The following MACF1 variants were observed in gnomAD, a reference collection of about 807,000 sequenced individuals.
MACF1 encodes the protein microtubule-actin cross-linking factor 1.
In MACF1, 193 loss-of-function variants were observed where a neutral mutation model predicts 854.8. That is an observed-to-expected ratio of 0.23 (90% CI 0.20 to 0.25). MACF1 has a LOEUF of 0.25. Among genes scored for constraint, MACF1 ranks in the 10% least tolerant of loss-of-function variants. The pLI is 1.00. For synonymous variants in MACF1, 3,185 were observed against 3,226.7 expected, an observed-to-expected ratio of 0.99 and a Z score of 0.44; for missense variants, 7,722 against 8,929.1, an observed-to-expected ratio of 0.86 and a Z score of 5.45.
chr1:39,448,011 C>T (rs1644262958), intron 82 of MACF1, 22 bp from the exon 83 acceptor site: 1 of 1,613,618 alleles, frequency 6.2e-7, no homozygotes, highest in Non-Finnish European at 8.5e-7. Flanking sequence ...TTCCTGTTAA[C>T]TTATTTCTTA....
intron 2 of MACF1, among the ~76,000 whole-genome samples, chr1:39,164,275 T>C (rs1643862886): frequency 6.6e-6 from 1 of 152,224 alleles, no homozygotes; most frequent in Admixed American, 6.5e-5. Context: ...TTAATACATA[T>C]ATTCAAAGCT....
At chr1:39,248,517 T>C (rs2148331212) in intron 2 of MACF1, among the ~76,000 whole-genome samples, 1 of 152,122 alleles carries the variant, frequency 6.6e-6, no homozygotes, top group African/African-American at 2.4e-5. Context: ...CTGCTCTACT[T>C]TCAGAGCTAC....
intron 44 of MACF1, 106 bp downstream of exon 44, chr1:39,353,337 T>A (rs1033653755): frequency 1.6e-5 from 13 of 789,422 alleles, no homozygotes; most frequent in African/African-American, 3.5e-5. Context: ...TCTCAGTTTG[T>A]ATCTTCTTTG....
At chr1:39,363,446 A>G (rs980748697) in intron 49 of MACF1, among the ~76,000 whole-genome samples, 1 of 152,130 alleles carries the variant, frequency 6.6e-6, no homozygotes, top group African/African-American at 2.4e-5. Context: ...TCTTCCTTAC[A>G]AAAAAGAAGG....
At chr1:39,303,584 GC>G (rs1646096206) in intron 23 of MACF1, among the ~76,000 whole-genome samples, 1 of 151,562 alleles carries the variant, frequency 6.6e-6, no homozygotes, top group Non-Finnish European at 1.5e-5. Context: ...GGGCACAGTG[GC>G]TCATGTCTGT....
At chr1:39,381,652 G>A (rs1389413673) in intron 55 of MACF1, among the ~76,000 whole-genome samples, 1 of 151,938 alleles carries the variant, frequency 6.6e-6, no homozygotes, top group Non-Finnish European at 1.5e-5. Flanking sequence ...GCAACATAGG[G>A]AGATCCCGTC....
intron 2 of MACF1, among the ~76,000 whole-genome samples, chr1:39,126,814 CAAAA>C (rs1005370514): frequency 6.6e-6 from 1 of 151,684 alleles, no homozygotes; most frequent in African/African-American, 2.4e-5. Context: ...AAAAAACAAA[CAAAA>C]AAATCAAAAC....
chr1:39,334,402 C>T lies in MACF1; in HGVS notation c.7814C>T (p.Thr2605Ile). The change falls in exon 37 of 101, where the codon ACT (threonine) becomes ATT (isoleucine). Residue 2605 changes from threonine (T) to isoleucine (I), a missense_variant. Physicochemically the swap from Thr to Ile is moderately conservative, Grantham distance 89. Transcript: ENST00000564288. ...LAEAKKEGLL[T>I]NEAVLSPGMM... ...GAAGCTAAAAAAGAAGGACTGTTAA[C>T]TAATGAAGCAGTATTGTCTCCAGGA... 6.2e-7 allele frequency: 1 copy of T among 1,614,020 alleles called. No homozygotes were observed. Among genetic ancestry groups the T allele is most frequent in the Non-Finnish European group, 8.5e-7 (1 of 1,179,948 alleles).
At chr1:39,328,373 A>G (rs545993446) in intron 36 of MACF1, 6 of 152,344 alleles carry the variant, frequency 3.9e-5, no homozygotes, top group African/African-American at 1.4e-4. Context: ...AAGGTTAAAA[A>G]AGAGGGGGGA....
chr1:39,333,866 A>G lies in MACF1; in HGVS notation c.7278A>G (p.Ser2426=). 1 of 1,614,214 alleles carries G rather than the reference A, an allele frequency of 6.2e-7. No individual in the cohort carries two copies. The highest frequency in any genetic ancestry group is 8.5e-7 in the Non-Finnish European group (1 of 1,180,032). Residue 2426 remains serine (S), a synonymous_variant, in exon 37 of 101, where the codon TCA becomes TCG. Coordinates refer to ENST00000564288, the MANE Select transcript of MACF1 (RefSeq NM_001394062.1). ...AAAAAGTTTCAGTAACTTTGGCCTC[A>G]ACTCTTGGCTTGGTGGACGTTGCTG... The part of the protein sequence containing the change: ...RGKKVSVTLA[S]TLGLVDVADQ...
At chr1:39,381,727 C>T (rs541917897) in intron 55 of MACF1, among the ~76,000 whole-genome samples, 2 of 152,046 alleles carry the variant, frequency 1.3e-5, no homozygotes, top group African/African-American at 4.8e-5. Context: ...CTACTTGGGA[C>T]GCTGAGGTGG....
At chr1:39,443,990 A>G (rs1217060553) in intron 79 of MACF1, among the ~76,000 whole-genome samples, 1 of 152,208 alleles carries the variant, frequency 6.6e-6, no homozygotes, top group Non-Finnish European at 1.5e-5. Context: ...ATTTTTCATG[A>G]AAAGGGGAAA....
At position 39,090,023 on chromosome 1, in the gene MACF1, C is replaced by T. The variant is rs370796657; in HGVS notation, c.220+5585C>T. Among the ~76,000 whole-genome samples the T allele has an allele frequency of 4.6e-5, 7 of 152,312 alleles. No individual in the cohort carries two copies. The South Asian group carries it at 8.3e-4, about 18-fold the overall frequency. The stretch of plus-strand genomic sequence containing the variant: ...TTTCCCAGGCCAGCAAAGAAGGAGC[C>T]CAAGCCTCTTATTTCTGTCCCCTTC... On this transcript the variant is annotated intron_variant, in intron 2 of 93. Coordinates refer to the MACF1 transcript ENST00000361689.
chr1:39,364,833 T>G (rs1009962072), intron 49 of MACF1, among the ~76,000 whole-genome samples: 1 of 152,132 alleles, frequency 6.6e-6, no homozygotes, highest in African/African-American at 2.4e-5. Context: ...ATTTTATGAG[T>G]ATTTTATTAA....
chr1:39,307,483 T>C (rs1571309556), intron 23 of MACF1, among the ~76,000 whole-genome samples: 1 of 152,234 alleles, frequency 6.6e-6, no homozygotes, highest in East Asian at 1.9e-4. Context: ...AGGGATGCTG[T>C]ACCTTTGAGT....
At chr1:39,151,114 C>T (rs1019131707) in intron 2 of MACF1, among the ~76,000 whole-genome samples, 2 of 152,284 alleles carry the variant, frequency 1.3e-5, no homozygotes, top group Middle Eastern at 3.4e-3. Flanking sequence ...CTCTCTCTTA[C>T]TCCTTACTTT....
intron 2 of MACF1, among the ~76,000 whole-genome samples, chr1:39,165,510 T>C (rs919343880): frequency 5.9e-5 from 9 of 152,226 alleles, no homozygotes; most frequent in African/African-American, 2.2e-4. Flanking sequence ...AATGTGTATT[T>C]TTTTTGTTAC....
At chr1:39,437,604 C>T (rs765080973) in intron 70 of MACF1, 173 bp from the exon 71 acceptor site, 23 of 631,526 alleles carry the variant, frequency 3.6e-5, no homozygotes, top group Non-Finnish European at 5.8e-5. Flanking sequence ...GAGCCACCAC[C>T]CCTGGCCCAA....
In MACF1 at chr1:39,334,806, G is replaced by C. The variant is rs375827290; in HGVS notation, c.8218G>C (p.Val2740Leu). 3.5e-5 allele frequency: 56 copies of C among 1,614,142 alleles called. No individual in the cohort carries two copies. In the East Asian group the frequency reaches 8.9e-4, roughly 26 times the overall value. Residue 2740 changes from valine to leucine, a missense_variant, in exon 37 of 101, where the codon GTG becomes CTG. Around this residue, in one of 15 missense-constraint regions of MACF1, gnomAD observed 1,531 missense variants for 1,601.6 expected, o/e 0.96. Transcript: ENST00000564288. ...GIVDIFSDQR[V>L]TLVEAIEKRL... ...TGTTGACATATTTAGTGATCAGAGAGTGACTTTAGTAGAAGCTATTGAGAA... is the reference window on the plus strand; with the variant it reads ...TGTTGACATATTTAGTGATCAGAGACTGACTTTAGTAGAAGCTATTGAGAA...
Sources: gnomAD v4.1 joint callset for allele counts (sites outside exome capture counted in the v4.1 genomes callset) on GRCh38, gnomAD v4.1.1 for gene constraint, gnomAD v4.1.1 regional missense constraint, MANE v1.5 for transcripts, NCBI Gene and HGNC (gene_info 2026-07-23, HGNC 2026-07-21) for gene names.